PLCB1: variants seen among roughly 807,000 people sequenced by gnomAD.
PLCB1 encodes phospholipase C beta 1.
In PLCB1, 46 loss-of-function variants were observed where a neutral mutation model predicts 161.8. The ratio of observed to expected loss-of-function variants is 0.28; its 90% confidence interval spans 0.22 to 0.36. The LOEUF is 0.36. Ranked by LOEUF, PLCB1 falls within the 10% of genes least tolerant of loss-of-function variation. The probability of loss-of-function intolerance (pLI) is 1.00; values close to 1 mark genes in which losing one functional copy is unlikely to be tolerated. For missense variants in PLCB1, 1,016 were observed against 1,472.5 expected (o/e 0.69, Z 5.07); for synonymous variants, 517 against 503.7 (o/e 1.03, Z -0.35).
chr20:8,841,760 G>C (rs1986512991), intron 31 of PLCB1, among the ~76,000 whole-genome samples: 1 of 152,226 alleles, frequency 6.6e-6, no homozygotes, highest in Non-Finnish European at 1.5e-5. Context: ...ATTTGTGTCA[G>C]GGAGCTGTCA....
chr20:8,421,643 A>G (rs1001959838), intron 3 of PLCB1, among the ~76,000 whole-genome samples: 1 of 152,148 alleles, frequency 6.6e-6, no homozygotes, highest in African/African-American at 2.4e-5. Context: ...GTGGTTCCCA[A>G]ACTTTTTTGG....
intron 2 of PLCB1, among the ~76,000 whole-genome samples, chr20:8,154,204 A>T (rs1034287354): frequency 8.5e-5 from 13 of 152,222 alleles, no homozygotes; most frequent in Non-Finnish European, 1.5e-4. Context: ...GAACTTTTCA[A>T]GTTAGTACAT....
intron 31 of PLCB1, among the ~76,000 whole-genome samples, chr20:8,852,118 T>C (rs997340901): frequency 6.6e-6 from 1 of 152,250 alleles, no homozygotes; most frequent in Non-Finnish European, 1.5e-5. Flanking sequence ...AGTTCATTCC[T>C]GCTGCCAGGT....
At chr20:8,784,984 G>A (rs1045449208) in intron 27 of PLCB1, among the ~76,000 whole-genome samples, 15 of 152,078 alleles carry the variant, frequency 9.9e-5, no homozygotes, top group African/African-American at 3.6e-4. Flanking sequence ...TCTAGAGCCT[G>A]GGATTCTAAA....
chr20:8,325,028 A>C (rs1390873896), intron 2 of PLCB1, among the ~76,000 whole-genome samples: 1 of 152,250 alleles, frequency 6.6e-6, no homozygotes, highest in Non-Finnish European at 1.5e-5. Context: ...TTTTCTTGTG[A>C]AGCTTTGCAT....
chr20:8,546,313 C>CAAAAAAAA (rs369485988), intron 3 of PLCB1, among the ~76,000 whole-genome samples: 9 of 102,914 alleles, frequency 8.7e-5, no homozygotes, highest in Non-Finnish European at 1.1e-4. Context: ...GACTCTATCT[C>CAAAAAAAA]AAAAAAAAAA....
chr20:8,834,925 T>G (rs1361163400), intron 31 of PLCB1, among the ~76,000 whole-genome samples: 2 of 151,858 alleles, frequency 1.3e-5, no homozygotes, highest in African/African-American at 4.8e-5. Flanking sequence ...AGGGGAATGT[T>G]AACCTTTGTT....
At chr20:8,530,236 A>G (rs1485326647) in intron 3 of PLCB1, among the ~76,000 whole-genome samples, 2 of 152,070 alleles carry the variant, frequency 1.3e-5, no homozygotes, top group Admixed American at 1.3e-4. Context: ...CATCTCTCAT[A>G]TGCTTTGGAT....
chr20:8,374,275 C>T (rs1310958627), intron 3 of PLCB1, among the ~76,000 whole-genome samples: 1 of 152,172 alleles, frequency 6.6e-6, no homozygotes, highest in Admixed American at 6.5e-5. Context: ...AGTTCACTCT[C>T]TCCTGCTTCC....
intron 16 of PLCB1, among the ~76,000 whole-genome samples, chr20:8,727,044 G>T (rs961337888): frequency 6.6e-6 from 1 of 151,882 alleles, no homozygotes; most frequent in Non-Finnish European, 1.5e-5. Flanking sequence ...TACTCATCTA[G>T]AATTCATTCA....
At chr20:8,200,167 A>C (rs1290030493) in intron 2 of PLCB1, among the ~76,000 whole-genome samples, 1 of 152,080 alleles carries the variant, frequency 6.6e-6, no homozygotes, top group East Asian at 1.9e-4. Context: ...TGATATACAC[A>C]AGTATGTCAT....
At chr20:8,269,914 C>A (rs1478686454) in intron 2 of PLCB1, among the ~76,000 whole-genome samples, 2 of 151,046 alleles carry the variant, frequency 1.3e-5, no homozygotes, top group Non-Finnish European at 2.9e-5. Context: ...AAAAGCCTGG[C>A]TAACCTTATT....
intron 18 of PLCB1, chr20:8,729,606 T>A (rs1980123490): frequency 6.5e-6 from 1 of 152,994 alleles, no homozygotes; most frequent in Non-Finnish European, 1.5e-5. Flanking sequence ...TCATTTAAAA[T>A]AAATACATAT....
At chr20:8,206,260 C>G (rs1978523006) in intron 2 of PLCB1, among the ~76,000 whole-genome samples, 1 of 152,124 alleles carries the variant, frequency 6.6e-6, no homozygotes, top group Non-Finnish European at 1.5e-5. Flanking sequence ...CATCCTTCTC[C>G]CATTTTCCTG....
chr20:8,637,657 T>C (rs1351811751), intron 4 of PLCB1, among the ~76,000 whole-genome samples: 1 of 152,182 alleles, frequency 6.6e-6, no homozygotes, highest in African/African-American at 2.4e-5. Context: ...CTTAAAAAGA[T>C]AAATATATAC....
At chr20:8,655,935 G>A (rs1386118422) in intron 7 of PLCB1, among the ~76,000 whole-genome samples, 5 of 152,044 alleles carry the variant, frequency 3.3e-5, no homozygotes, top group African/African-American at 1.2e-4. Context: ...TCCGGCTAAA[G>A]AGATTTCTCT....
At chr20:8,489,725 ATAGTACCAGCATTAT>A (rs1445888003) in intron 3 of PLCB1, among the ~76,000 whole-genome samples, 4 of 152,220 alleles carry the variant, frequency 2.6e-5, no homozygotes, top group African/African-American at 9.6e-5. Context: ...TGCAGCAACT[ATAGTACCAGCATTAT>A]TCTAGAAAGT....
At chr20:8,768,581 A>G (rs1262819737) in intron 26 of PLCB1, among the ~76,000 whole-genome samples, 2 of 152,198 alleles carry the variant, frequency 1.3e-5, no homozygotes, top group Non-Finnish European at 2.9e-5. Context: ...TATTCCATAT[A>G]TTTCTCACAG....
In PLCB1 at chr20:8,385,360, T is replaced by G. The variant is rs555551951; in HGVS notation, c.246+13910T>G. Among the ~76,000 whole-genome samples the G allele has an allele frequency of 7.2e-5, 11 of 152,312 alleles. No homozygotes were observed. In the South Asian group the frequency reaches 8.3e-4, roughly 11 times the overall value. ...GTGGGGGAACCTCTTGGGACCAAGC[T>G]GCCCAGCCTTCCTGGCCCCAGGAGA... On this transcript the variant is annotated intron_variant, in intron 3 of 31. Coordinates refer to ENST00000338037, the MANE Select transcript of PLCB1 (RefSeq NM_015192.4).
Sources: allele counts gnomAD v4.1 joint callset (sites outside exome capture counted in the v4.1 genomes callset), GRCh38; gene constraint gnomAD v4.1.1; transcripts MANE v1.5; gene names NCBI Gene and HGNC (gene_info 2026-07-23, HGNC 2026-07-21).